Variants in CATSPERD observed in about 807,000 individuals in gnomAD.
The protein encoded by CATSPERD is cation channel sperm-associated auxiliary subunit delta.
Under a neutral mutation model 98.1 loss-of-function variants are expected in CATSPERD, and 86 were observed. The ratio of observed to expected loss-of-function variants is 0.88; its 90% CI spans 0.74 to 1.05. The LOEUF (loss-of-function observed/expected upper bound fraction) is 1.05, where lower values mean the gene tolerates loss of function less well. CATSPERD is among the 50% of genes least tolerant of loss of function. The pLI is 0.00. For synonymous variants in CATSPERD, 394 were observed against 390.2 expected (o/e 1.01, Z -0.12); for missense variants, 995 against 1,005.7 (o/e 0.99, Z 0.14).
chr19:5,725,632 T>A (rs2055589507), intron 2 of CATSPERD, among the ~76,000 whole-genome samples: 1 of 152,076 alleles, frequency 6.6e-6, no homozygotes. Context: ...CCAGGTGAGG[T>A]GGCTTATGCC....
intron 19 of CATSPERD, 139 bp downstream of exon 19, chr19:5,771,211 T>C (rs2056638156): frequency 1.0e-6 from 1 of 993,702 alleles, no homozygotes; most frequent in Non-Finnish European, 1.5e-6. Flanking sequence ...ACCGTGCTCC[T>C]GCCCCAGCCC....
At chr19:5,762,369 C>T (rs1391357277) in intron 15 of CATSPERD, among the ~76,000 whole-genome samples, 1 of 151,940 alleles carries the variant, frequency 6.6e-6, no homozygotes, top group Non-Finnish European at 1.5e-5. Context: ...CAGCCCCATA[C>T]ACTTTTAAAC....
chr19:5,737,547 A>C (rs1481002655), intron 6 of CATSPERD, among the ~76,000 whole-genome samples: 1 of 8,730 alleles, frequency 1.1e-4, no homozygotes, highest in Non-Finnish European at 3.2e-4. Flanking sequence ...AGACTCTGTC[A>C]AAAAAAAAAA....
intron 11 of CATSPERD, among the ~76,000 whole-genome samples, chr19:5,750,218 G>A (rs915117879): frequency 1.3e-5 from 2 of 149,388 alleles, no homozygotes; most frequent in African/African-American, 4.9e-5. Context: ...GGTGGCCAAG[G>A]TGGGCGGATC....
chr19:5,765,977 G>A (rs575028977), intron 16 of CATSPERD, 126 bp from the exon 17 acceptor site: 4 of 585,028 alleles, frequency 6.8e-6, no homozygotes, highest in African/African-American at 3.8e-5. Flanking sequence ...CCAGGGACAC[G>A]CTGTTGGGAT....
rs2055624409 is a variant in CATSPERD, at chr19:5,727,313, C to A, written c.172C>A (p.Pro58Thr). The A allele has an allele frequency of 6.2e-7, 1 of 1,613,562 alleles. No individual in the cohort carries two copies. The highest frequency in any genetic ancestry group is 1.7e-5 in the Admixed American group (1 of 59,988). The change falls in exon 3 of 22, where the codon CCT becomes ACT. Residue 58 changes from proline (P) to threonine (T), a missense_variant. Transcript: ENST00000381624. ...HPTTTRLIKH[P>T]CEKNIALYLG... ...TACAACAACACGCTTGATTAAACATCCTTGCGAGAAAAATATAGCACTATA... is the reference window on the plus strand; with the variant it reads ...TACAACAACACGCTTGATTAAACATACTTGCGAGAAAAATATAGCACTATA...
intron 5 of CATSPERD, among the ~76,000 whole-genome samples, chr19:5,736,913 C>A (rs889741442): frequency 6.6e-6 from 1 of 151,494 alleles, no homozygotes; most frequent in African/African-American, 2.4e-5. Context: ...AAAAATTAGC[C>A]GGGCGTGGTG....
chr19:5,753,530 C>T (rs1419202363), intron 12 of CATSPERD: 1 of 323,394 alleles, frequency 3.1e-6, no homozygotes, highest in Non-Finnish European at 6.1e-6. Flanking sequence ...CCACTGCACC[C>T]CAACCTGGGC....
At position 5,750,406 on chromosome 19, in the gene CATSPERD, A is replaced by T. The variant is rs190989692; in HGVS notation, c.987+1223A>T. On this transcript the variant is annotated intron_variant, in intron 11 of 21. Coordinates refer to ENST00000381624, the MANE Select transcript of CATSPERD (RefSeq NM_152784.4). ...GCGGAGCTTGCAGTGAGCAGAGATC[A>T]AGCCACTGCACTCTAGCCTGGGTGA... Among the ~76,000 whole-genome samples the T allele has an allele frequency of 2.2e-4, 30 of 138,166 alleles. No homozygotes were observed. In the East Asian group the frequency reaches 7.2e-3, roughly 33 times the overall value. The allele number at this position is 138,166 out of a possible 152,430, so 90.6% of individuals were successfully genotyped here.
intron 7 of CATSPERD, among the ~76,000 whole-genome samples, chr19:5,741,314 T>C (rs2055959460): frequency 6.6e-6 from 1 of 152,098 alleles, no homozygotes; most frequent in Non-Finnish European, 1.5e-5. Flanking sequence ...TAACAAAATA[T>C]CTGAGACCGA....
chr19:5,747,589 T>A (rs1196251728), intron 9 of CATSPERD, among the ~76,000 whole-genome samples: 1 of 149,972 alleles, frequency 6.7e-6, no homozygotes, highest in African/African-American at 2.4e-5. Flanking sequence ...TTAACGGGGA[T>A]CTGGTTTTCT....
intron 4 of CATSPERD, among the ~76,000 whole-genome samples, chr19:5,731,574 T>TTTTTTTTG (rs2055722502): frequency 8.0e-6 from 1 of 124,416 alleles, no homozygotes; most frequent in Non-Finnish European, 1.7e-5. Context: ...TTTTTTTTTT[T>TTTTTTTTG]TTTTTTTTTT....
chr19:5,775,164 T>C, intron 20 of CATSPERD: 1 of 459,686 alleles, frequency 2.2e-6, no homozygotes, highest in Non-Finnish European at 4.5e-6. Flanking sequence ...CAGTTACTAC[T>C]GCTACTACTT....
chr19:5,759,018 T>C (rs372547162), intron 14 of CATSPERD, 68 bp from the exon 15 acceptor site: 37 of 1,410,644 alleles, frequency 2.6e-5, no homozygotes, highest in Non-Finnish European at 3.5e-5. Flanking sequence ...TCTCTCCCAA[T>C]GTCCTGAGTT....
intron 18 of CATSPERD, among the ~76,000 whole-genome samples, chr19:5,769,811 G>A (rs541218965): frequency 1.9e-4 from 29 of 152,184 alleles, no homozygotes; most frequent in Middle Eastern, 3.4e-3. Context: ...GGTTTTGGCC[G>A]GGCAGGGTGG....
At chr19:5,772,676 CTG>C in intron 19 of CATSPERD, 110 bp from the exon 20 acceptor site, 1 of 1,100,280 alleles carries the variant, frequency 9.1e-7, no homozygotes, top group East Asian at 2.4e-5. Context: ...GGTTTCCTCT[CTG>C]TCACCTCCCA....
At chr19:5,769,176 G>T (rs2056600616) in intron 18 of CATSPERD, among the ~76,000 whole-genome samples, 1 of 150,352 alleles carries the variant, frequency 6.7e-6, no homozygotes, top group Non-Finnish European at 1.5e-5. Context: ...GAGAGAGAGA[G>T]AGGAGGGAGG....
In CATSPERD at chr19:5,768,235, A is replaced by T. The variant is rs545605018; in HGVS notation, c.1627A>T (p.Ile543Phe). Residue 543 changes from isoleucine to phenylalanine, a missense_variant, in exon 18 of 22, where the codon ATC becomes TTC. Physicochemically the swap from Ile to Phe is conservative, Grantham distance 21. Around this residue, in one of 3 missense-constraint regions of CATSPERD, gnomAD observed 762 missense variants for 773.7 expected, o/e 0.98. Transcript: ENST00000381624. Reference protein sequence around the residue: ...LTLQDNYSFIIEKEFYDPGFQ... With the variant: ...LTLQDNYSFIFEKEFYDPGFQ... ...CCTGCAAGACAATTACAGCTTCATC[A>T]TCGAGAAGTAAGCCAGCGTCCCCCC... The T allele has an allele frequency of 4.0e-5, 65 of 1,612,956 alleles. 1 individual carries two copies. The South Asian group carries it at 6.7e-4, about 17-fold the overall frequency.
At chr19:5,757,275 T>C (rs959954784) in intron 13 of CATSPERD, among the ~76,000 whole-genome samples, 6 of 147,538 alleles carry the variant, frequency 4.1e-5, no homozygotes, top group Admixed American at 2.1e-4. Flanking sequence ...AAGAAAATAA[T>C]AAATAAATGC....
Sources: gnomAD v4.1 joint callset for allele counts (sites outside exome capture counted in the v4.1 genomes callset) on GRCh38, gnomAD v4.1.1 for gene constraint, gnomAD v4.1.1 regional missense constraint, MANE v1.5 for transcripts, NCBI Gene and HGNC (gene_info 2026-07-23, HGNC 2026-07-21) for gene names.